Variants in PCDHGA2 observed in about 807,000 individuals in gnomAD.
PCDHGA2 encodes protocadherin gamma-A2.
A neutral mutation model predicts 59.2 loss-of-function variants in PCDHGA2; 40 were observed. The ratio of observed to expected loss-of-function variants is 0.68; its 90% CI spans 0.52 to 0.88. PCDHGA2 has a LOEUF of 0.88. Among genes scored for constraint, PCDHGA2 ranks in the 40% least tolerant of loss-of-function variants. The pLI is 0.00. For missense variants in PCDHGA2, 1,226 were observed against 1,204.0 expected, an observed-to-expected ratio of 1.02 and a Z score of -0.27; for synonymous variants, 560 against 526.0, an observed-to-expected ratio of 1.06 and a Z score of -0.89.
intron 1 of PCDHGA2, chr5:141,422,576 CTCCCGTTTT>C: frequency 6.2e-7 from 1 of 1,614,034 alleles, no homozygotes; most frequent in African/African-American, 1.3e-5. Context: ...AACGATAACC[CTCCCGTTTT>C]TCCTCACTCC....
chr5:141,422,928 C>T lies in PCDHGA2; in HGVS notation c.2425-71879C>T, dbSNP rs781145334. 4 of 1,614,128 alleles carry T rather than the reference C, an allele frequency of 2.5e-6. No individual in the cohort carries two copies. In the African/African-American group the frequency reaches 4.0e-5, roughly 16 times the overall value. On this transcript the variant is annotated intron_variant, in intron 1 of 3. Transcript: ENST00000394576. ...ATGCGCCCGAGATCCTGTACCCTGC[C>T]CTCCCCACAGACGGCTCCACTGGCG...
intron 1 of PCDHGA2, among the ~76,000 whole-genome samples, chr5:141,380,667 T>G (rs552117625): frequency 1.1e-4 from 16 of 152,362 alleles, no homozygotes; most frequent in African/African-American, 3.6e-4. Flanking sequence ...ATTTACTCCA[T>G]AGGGTATGTA....
intron 1 of PCDHGA2, chr5:141,420,156 AT>A (rs755916873): frequency 6.2e-7 from 1 of 1,613,990 alleles, no homozygotes; most frequent in African/African-American, 1.3e-5. Flanking sequence ...CCAGAATTTA[AT>A]TTTTTCACAT....
At chr5:141,356,677 G>T (rs759254327) in intron 1 of PCDHGA2, 2 of 1,613,980 alleles carry the variant, frequency 1.2e-6, no homozygotes, top group Non-Finnish European at 1.7e-6. Context: ...CTCCCTGGCC[G>T]AAGACACCTT....
At chr5:141,463,296 C>T (rs1194250577) in intron 1 of PCDHGA2, among the ~76,000 whole-genome samples, 1 of 151,986 alleles carries the variant, frequency 6.6e-6, no homozygotes, top group African/African-American at 2.4e-5. Flanking sequence ...CTCCTAATCT[C>T]CCCAAACTCT....
At chr5:141,471,422 A>T (rs919676109) in intron 1 of PCDHGA2, 5 of 152,176 alleles carry the variant, frequency 3.3e-5, no homozygotes, top group Non-Finnish European at 5.9e-5. Context: ...GTTTTTAGCA[A>T]GGAAAGTGTA....
At chr5:141,385,865 G>T (rs1329915375) in intron 1 of PCDHGA2, 1 of 152,944 alleles carries the variant, frequency 6.5e-6, no homozygotes, top group Admixed American at 6.5e-5. Context: ...GTAGTAGAAG[G>T]TTGGATTTAT....
rs548687567 is a variant in PCDHGA2 at position 141,338,963 on chromosome 5, A to C, written c.-9A>C. ...AAGTTGACTCGGAGAAAATTGCGAC[A>C]GGAGGGAAATGGCGGCTCTGCAAAA... On this transcript the variant is annotated 5_prime_UTR_variant, in exon 1 of 4. Transcript: ENST00000394576. The C allele has an allele frequency of 2.7e-5, 41 of 1,526,060 alleles. No individual in the cohort carries two copies. Among genetic ancestry groups the C allele is most frequent in the Non-Finnish European group, 3.5e-5 (40 of 1,136,786 alleles). 94.5% of individuals were successfully genotyped at this position (1,526,060 alleles called of 1,614,324 possible). A position where few individuals can be genotyped will look rare whatever the true frequency, so the allele number is the denominator to read the frequency against.
intron 3 of PCDHGA2, among the ~76,000 whole-genome samples, chr5:141,508,533 C>A (rs1396219805): frequency 6.6e-6 from 1 of 152,160 alleles, no homozygotes; most frequent in Non-Finnish European, 1.5e-5. Flanking sequence ...CAGGGCACCC[C>A]CCACGAGGTG....
At chr5:141,438,621 TATATATATATATATACAC>T (rs1369797568) in intron 1 of PCDHGA2, among the ~76,000 whole-genome samples, 6 of 41,386 alleles carry the variant, frequency 1.4e-4, no homozygotes, top group South Asian at 9.0e-4. Context: ...TATATATATA[TATATATATATATATACAC>T]ACACACACAC....
rs375072336 is a variant in PCDHGA2, at chr5:141,350,302, A to G, written c.2424+8907A>G. On this transcript the variant is annotated intron_variant, in intron 1 of 3. Transcript: ENST00000394576. ...AAGCCGAAATGATGAAAAGTCAGGT[A>G]CTGTTTCCCTTCCTGCTGTCTTTGT... 1.1e-5 allele frequency: 17 copies of G among 1,520,774 alleles called. No individual in the cohort carries two copies. In the East Asian group the frequency reaches 1.8e-4, roughly 16 times the overall value. 94.2% of individuals were successfully genotyped at this position (1,520,774 alleles called of 1,614,324 possible).
chr5:141,449,484 A>G (rs1003440539), intron 1 of PCDHGA2, among the ~76,000 whole-genome samples: 2 of 150,848 alleles, frequency 1.3e-5, no homozygotes, highest in Non-Finnish European at 3.0e-5. Context: ...CCCCATGCCT[A>G]AGGGTGAGGC....
At chr5:141,484,912 T>G (rs1594427765) in intron 1 of PCDHGA2, 1 of 437,066 alleles carries the variant, frequency 2.3e-6, no homozygotes, top group East Asian at 4.0e-5. Flanking sequence ...TGCGACGCAT[T>G]AACCCTGCTG....
chr5:141,415,845 A>G, intron 1 of PCDHGA2: 1 of 1,246,436 alleles, frequency 8.0e-7, no homozygotes, highest in Non-Finnish European at 1.0e-6. Flanking sequence ...TTAGCTTTGC[A>G]GAACCTTGTA....
chr5:141,371,078 C>T lies in PCDHGA2; in HGVS notation c.2424+29683C>T, dbSNP rs776361776. Reference sequence around the variant, plus strand: ...CCTCCAGAAGCTGTACCACCCAGATCAGGGTAATTGTCGCAGATGCAAATG... The same window carrying T: ...CCTCCAGAAGCTGTACCACCCAGATTAGGGTAATTGTCGCAGATGCAAATG... On this transcript the variant is annotated intron_variant, in intron 1 of 3. Transcript: ENST00000394576. 1.9e-6 allele frequency: 3 copies of T among 1,613,770 alleles called. No homozygotes were observed. In the African/African-American group the frequency reaches 4.0e-5, roughly 22 times the overall value.
intron 2 of PCDHGA2, among the ~76,000 whole-genome samples, chr5:141,500,894 C>CAG (rs10656935): frequency 0.58 from 88,074 of 150,994 alleles, 27,125 homozygotes; most frequent in African/African-American, 0.78. Flanking sequence ...TTTTTTGAGA[C>CAG]AGTCTCGCTC....
rs181202785 is a variant in PCDHGA2, at chr5:141,458,320, G to A, written c.2425-36487G>A. On this transcript the variant is annotated intron_variant, in intron 1 of 3. Transcript: ENST00000394576. ...TTTAGATAAAATGACACAGACACAT[G>A]TGGAGTGGTTTTAAGGAGTGGAGAG... is the stretch of plus-strand genomic sequence containing the variant. Among the ~76,000 whole-genome samples the A allele has an allele frequency of 3.2e-3, 490 of 152,250 alleles. 4 individuals are homozygous for A. The highest frequency in any genetic ancestry group is 0.017 in the Middle Eastern group (5 of 294).
At chr5:141,351,644 C>A (rs2149763942) in intron 1 of PCDHGA2, 1 of 1,614,060 alleles carries the variant, frequency 6.2e-7, no homozygotes, top group South Asian at 1.1e-5. Context: ...TGAGAACAAC[C>A]CACCTGGCGC....
chr5:141,478,259 T>A lies in PCDHGA2; in HGVS notation c.2425-16548T>A, dbSNP rs534973741. ...GGTCACAGTGTTCGGAGTAATCATA[T>A]TCAAAGTTTACAAGTGGAAGCAGTC... On this transcript the variant is annotated intron_variant, in intron 1 of 3. Transcript: ENST00000394576. 3.2e-5 allele frequency: 52 copies of A among 1,614,064 alleles called. No individual in the cohort carries two copies. The highest frequency in any genetic ancestry group is 4.4e-5 in the Non-Finnish European group (52 of 1,180,048).
Sources: gnomAD v4.1 joint callset for allele counts (sites outside exome capture counted in the v4.1 genomes callset) on GRCh38, gnomAD v4.1.1 for gene constraint, MANE v1.5 for transcripts, NCBI Gene and HGNC (gene_info 2026-07-23, HGNC 2026-07-21) for gene names.